Variants in HECW1 observed in about 807,000 individuals in gnomAD.
HECW1 encodes E3 ubiquitin-protein ligase HECW1.
In HECW1, 61 loss-of-function variants were observed where a neutral mutation model predicts 182.3. The ratio of observed to expected loss-of-function variants is 0.33; its 90% CI spans 0.27 to 0.41. The LOEUF (loss-of-function observed/expected upper bound fraction) is 0.41, where lower values mean the gene tolerates loss of function less well. HECW1 is among the 10% of genes least tolerant of loss of function. The pLI is 1.00. For synonymous variants in HECW1, 859 were observed against 832.6 expected, an observed-to-expected ratio of 1.03 and a Z score of -0.55; for missense variants, 1,739 against 2,108.9, an observed-to-expected ratio of 0.82 and a Z score of 3.44.
chr7:43,164,174 G>A (rs914405540), intron 2 of HECW1, among the ~76,000 whole-genome samples: 1 of 152,148 alleles, frequency 6.6e-6, no homozygotes, highest in African/African-American at 2.4e-5. Flanking sequence ...CCAAAGAGAA[G>A]TCAGAGTTGG....
chr7:43,488,235 G>A (rs962658846), intron 17 of HECW1, among the ~76,000 whole-genome samples: 10 of 151,258 alleles, frequency 6.6e-5, no homozygotes, highest in Admixed American at 3.3e-4. Context: ...TCTTGAACCC[G>A]GGAGGCAGAG....
intron 6 of HECW1, among the ~76,000 whole-genome samples, chr7:43,362,747 C>T (rs1381066058): frequency 6.6e-6 from 1 of 152,232 alleles, no homozygotes; most frequent in Non-Finnish European, 1.5e-5. Flanking sequence ...GAGCACACAA[C>T]AGGCAGAGAA....
At chr7:43,466,992 T>C (rs2077806442) in intron 15 of HECW1, among the ~76,000 whole-genome samples, 1 of 152,266 alleles carries the variant, frequency 6.6e-6, no homozygotes, top group South Asian at 2.1e-4. Context: ...TTTTCGAATA[T>C]CGTGCTGAAG....
At chr7:43,490,740 T>G (rs2078896806) in intron 17 of HECW1, among the ~76,000 whole-genome samples, 1 of 152,178 alleles carries the variant, frequency 6.6e-6, no homozygotes, top group African/African-American at 2.4e-5. Context: ...AAAATTGAGC[T>G]AAGTTAGTTT....
intron 6 of HECW1, among the ~76,000 whole-genome samples, chr7:43,381,488 AT>A (rs34238162): frequency 0.28 from 37,294 of 134,838 alleles, 4,586 homozygotes; most frequent in South Asian, 0.4. Context: ...TGCATGGCTA[AT>A]TTTTTTTTTT....
chr7:43,340,654 CT>C (rs1812854698), intron 5 of HECW1, among the ~76,000 whole-genome samples: 1 of 151,736 alleles, frequency 6.6e-6, no homozygotes, highest in Admixed American at 6.6e-5. Flanking sequence ...AATTGGCCCC[CT>C]GACACGTGAA....
At chr7:43,478,750 A>G (rs541196118) in intron 16 of HECW1, among the ~76,000 whole-genome samples, 1 of 152,222 alleles carries the variant, frequency 6.6e-6, no homozygotes, top group Non-Finnish European at 1.5e-5. Flanking sequence ...TTATCTTTTT[A>G]AAGTTTTTTC....
rs549857395 is a variant in HECW1, at chr7:43,213,591, G to A, written c.-31-30284G>A. The stretch of plus-strand genomic sequence containing the variant: ...CTCCTGAGTAGCTGGGACTACAGGC[G>A]CCCGCCACCATGCCCAGCTAATTTT... On this transcript the variant is annotated intron_variant, in intron 2 of 29. Transcript: ENST00000395891. Among the ~76,000 whole-genome samples the A allele has an allele frequency of 1.6e-4, 24 of 151,566 alleles. 1 individual carries two copies. The South Asian group carries it at 4.4e-3, about 28-fold the overall frequency.
intron 24 of HECW1, among the ~76,000 whole-genome samples, chr7:43,515,400 G>A (rs770862113): frequency 6.6e-6 from 1 of 152,160 alleles, no homozygotes; most frequent in African/African-American, 2.4e-5. Context: ...GGCAATAGGG[G>A]TGTCATTTAA....
chr7:43,268,404 C>G (rs990198028), intron 3 of HECW1, among the ~76,000 whole-genome samples: 1 of 152,212 alleles, frequency 6.6e-6, no homozygotes, highest in East Asian at 1.9e-4. Context: ...CCCTGTGAAA[C>G]CTTTAACCCA....
At chr7:43,192,689 A>G (rs1368686921) in intron 2 of HECW1, among the ~76,000 whole-genome samples, 1 of 152,252 alleles carries the variant, frequency 6.6e-6, no homozygotes, top group African/African-American at 2.4e-5. Flanking sequence ...GCTGGTGACA[A>G]TCAATGTCAA....
chr7:43,301,525 A>C (rs1382403341), intron 3 of HECW1, among the ~76,000 whole-genome samples: 1 of 152,210 alleles, frequency 6.6e-6, no homozygotes, highest in Non-Finnish European at 1.5e-5. Context: ...AGCATTTAGC[A>C]CAAGGCCTGG....
At chr7:43,222,753 A>G (rs1797092892) in intron 2 of HECW1, among the ~76,000 whole-genome samples, 1 of 152,136 alleles carries the variant, frequency 6.6e-6, no homozygotes, top group Non-Finnish European at 1.5e-5. Context: ...TTCCCCCACC[A>G]TGTGGATGCC....
intron 16 of HECW1, among the ~76,000 whole-genome samples, chr7:43,474,961 T>TC (rs1329806605): frequency 6.6e-6 from 1 of 152,196 alleles, no homozygotes; most frequent in Admixed American, 6.5e-5. Context: ...GATCAGAGGT[T>TC]CCCAGGGGCT....
chr7:43,141,990 A>G (rs1183948217), intron 2 of HECW1, among the ~76,000 whole-genome samples: 4 of 152,290 alleles, frequency 2.6e-5, no homozygotes, highest in East Asian at 1.9e-4. Context: ...TCAAAGTTCT[A>G]TTCCTCCCGA....
intron 3 of HECW1, among the ~76,000 whole-genome samples, chr7:43,307,972 T>C (rs1298500000): frequency 4.6e-5 from 6 of 131,514 alleles, no homozygotes; most frequent in Non-Finnish European, 9.3e-5. Flanking sequence ...CTGTATATCT[T>C]ATATATTATA....
chr7:43,260,312 C>G (rs1801031771), intron 3 of HECW1, among the ~76,000 whole-genome samples: 1 of 152,010 alleles, frequency 6.6e-6, no homozygotes, highest in Non-Finnish European at 1.5e-5. Flanking sequence ...GTTAAGTAGG[C>G]ACTGAGAAGG....
intron 2 of HECW1, among the ~76,000 whole-genome samples, chr7:43,192,234 C>T (rs1793991390): frequency 6.6e-6 from 1 of 152,218 alleles, no homozygotes. Context: ...GCTGCGATTA[C>T]AGGCGTGAGC....
chr7:43,181,728 A>G (rs1792877846), intron 2 of HECW1, among the ~76,000 whole-genome samples: 1 of 150,882 alleles, frequency 6.6e-6, no homozygotes, highest in Non-Finnish European at 1.5e-5. Flanking sequence ...TATATTCTGG[A>G]TATTAACTCT....
Sources: gnomAD v4.1 joint callset for allele counts (sites outside exome capture counted in the v4.1 genomes callset) on GRCh38, gnomAD v4.1.1 for gene constraint, MANE v1.5 for transcripts, NCBI Gene and HGNC (gene_info 2026-07-23, HGNC 2026-07-21) for gene names.